PYY: variants seen among roughly 807,000 people sequenced by gnomAD.
PYY encodes peptide tyrosine tyrosine.
PYY carries 12 observed loss-of-function variants against 10.3 expected under a neutral mutation model. The ratio of observed to expected loss-of-function variants is 1.17; its 90% CI spans 0.75 to 1.89. The LOEUF is 1.89. PYY is among the 40% of genes most tolerant of loss of function. The pLI is 0.00. For missense variants in PYY, 141 were observed against 134.0 expected, an observed-to-expected ratio of 1.05 and a Z score of -0.26; for synonymous variants, 66 against 62.0, an observed-to-expected ratio of 1.06 and a Z score of -0.30.
chr17:43,969,527 A>C (rs992667069), intron 1 of PYY, among the ~76,000 whole-genome samples: 2 of 151,524 alleles, frequency 1.3e-5, no homozygotes, highest in Middle Eastern at 3.4e-3. Flanking sequence ...AAAAAAAAAA[A>C]AAAAAAAGCA....
At position 43,976,276 on chromosome 17, in the gene PYY, T is replaced by TATACACACACATATGTATACATGTATAC. The variant is rs1217188677; in HGVS notation, c.-462-9745_-462-9744insGTATACATGTATACATATGTGTGTGTAT. ...ATGTATACATGTATACATGTACGTA[T>TATACACACACATATGTATACATGTATAC]ATATACGCATATGTATACATGTATA... On this transcript the variant is annotated intron_variant, in intron 1 of 6. Coordinates refer to the PYY transcript ENST00000360085. Among the ~76,000 whole-genome samples, 4 of 146,276 alleles carry TATACACACACATATGTATACATGTATAC rather than the reference T, an allele frequency of 2.7e-5. No individual in the cohort carries two copies. The East Asian group carries it at 6.1e-4, about 22-fold the overall frequency.
intron 1 of PYY, among the ~76,000 whole-genome samples, chr17:43,971,700 G>A (rs1314847787): frequency 6.6e-6 from 1 of 150,582 alleles, no homozygotes; most frequent in African/African-American, 2.4e-5. Context: ...TTTTAAGTGG[G>A]TTGTTGGTTT....
At chr17:43,986,324 G>A (rs1024651367) in intron 1 of PYY, among the ~76,000 whole-genome samples, 24 of 152,212 alleles carry the variant, frequency 1.6e-4, no homozygotes, top group African/African-American at 5.3e-4. Context: ...TCCTGAACAC[G>A]TCGTGCCCAT....
chr17:43,988,489 C>T (rs1464539617), intron 1 of PYY, among the ~76,000 whole-genome samples: 1 of 152,138 alleles, frequency 6.6e-6, no homozygotes, highest in Non-Finnish European at 1.5e-5. Flanking sequence ...GGGGAAGCTT[C>T]CCTGACCACT....
At position 43,975,398 on chromosome 17, in the gene PYY, G is replaced by A. The variant is rs2048821670; in HGVS notation, c.-462-8866C>T. Among the ~76,000 whole-genome samples, 6 of 151,980 alleles carry A rather than the reference G, an allele frequency of 3.9e-5. No homozygotes were observed. In the South Asian group the frequency reaches 1.0e-3, roughly 26 times the overall value. On this transcript the variant is annotated intron_variant, in intron 1 of 6. Transcript: ENST00000360085. ...GAGAATAGTAAAGCTCGTGTCACAG[G>A]CTTCTTTTGGCAATTAAACAGTGGG... is the stretch of plus-strand genomic sequence containing the variant.
upstream of PYY, among the ~76,000 whole-genome samples, chr17:43,958,485 T>G (rs755825329): frequency 6.6e-6 from 1 of 151,968 alleles, no homozygotes; most frequent in Non-Finnish European, 1.5e-5. Context: ...CTTCAAGAGA[T>G]TCTCCTGCCT....
chr17:43,966,606 G>A (rs146487436), intron 1 of PYY: 11 of 152,304 alleles, frequency 7.2e-5, no homozygotes, highest in East Asian at 1.9e-4. Context: ...ACATCGTTTC[G>A]TGTTAATAAC....
At chr17:43,976,298 T>TATAC (rs1175581447) in intron 1 of PYY, among the ~76,000 whole-genome samples, 1 of 151,004 alleles carries the variant, frequency 6.6e-6, no homozygotes, top group Non-Finnish European at 1.5e-5. Flanking sequence ...TGTATACATG[T>TATAC]ATACATATAC....
chr17:43,977,281 C>A, intron 1 of PYY, among the ~76,000 whole-genome samples: 1 of 152,230 alleles, frequency 6.6e-6, no homozygotes, highest in South Asian at 2.1e-4. Context: ...CCATTAGCTG[C>A]GACTTAGTCT....
chr17:43,960,708 GGCAT>G (rs2048706453), intron 2 of PYY, among the ~76,000 whole-genome samples: 1 of 151,698 alleles, frequency 6.6e-6, no homozygotes, highest in Admixed American at 6.6e-5. Context: ...AAATTAGTCA[GGCAT>G]GGTGGCGGGT....
intron 1 of PYY, among the ~76,000 whole-genome samples, chr17:43,999,864 C>A (rs1469472385): frequency 6.6e-6 from 1 of 151,990 alleles, no homozygotes; most frequent in African/African-American, 2.4e-5. Flanking sequence ...AGAGGGAAGA[C>A]TTCCTGGAGC....
At chr17:43,988,923 G>A (rs535879641) in intron 1 of PYY, among the ~76,000 whole-genome samples, 2 of 151,646 alleles carry the variant, frequency 1.3e-5, no homozygotes, top group South Asian at 2.1e-4. Flanking sequence ...CCAACACACC[G>A]GCTAATGTTT....
At chr17:43,970,223 A>G (rs1387964135) in intron 1 of PYY, among the ~76,000 whole-genome samples, 1 of 138,752 alleles carries the variant, frequency 7.2e-6, no homozygotes, top group East Asian at 2.5e-4. Context: ...AAAAAAAAAA[A>G]AAAGCTGGGG....
At chr17:43,967,442 A>T (rs961796483) in intron 1 of PYY, among the ~76,000 whole-genome samples, 4 of 152,202 alleles carry the variant, frequency 2.6e-5, no homozygotes, top group African/African-American at 9.6e-5. Context: ...GAGCTGTCAC[A>T]TTCAACTCCC....
At chr17:43,961,742 A>G (rs145622985) in intron 2 of PYY, among the ~76,000 whole-genome samples, 1,649 of 152,096 alleles carry the variant, frequency 0.011, 31 homozygotes, top group African/African-American at 0.038. Context: ...GGTTTCCCCC[A>G]TGTTGGCCAG....
At chr17:43,988,308 G>A (rs1033972821) in intron 1 of PYY, among the ~76,000 whole-genome samples, 3 of 152,250 alleles carry the variant, frequency 2.0e-5, no homozygotes, top group Non-Finnish European at 4.4e-5. Flanking sequence ...CTTGCGGAAA[G>A]GGAGCTTTAC....
chr17:43,981,787 C>T (rs1024061673), intron 1 of PYY, among the ~76,000 whole-genome samples: 2 of 152,098 alleles, frequency 1.3e-5, no homozygotes, highest in Non-Finnish European at 2.9e-5. Flanking sequence ...CATGCTGGGC[C>T]CTTTTCATGT....
intron 1 of PYY, among the ~76,000 whole-genome samples, chr17:43,995,707 G>A (rs938623611): frequency 1.2e-4 from 18 of 151,838 alleles, no homozygotes; most frequent in East Asian, 7.8e-4. Flanking sequence ...GGTGGCAGGC[G>A]CCTGTAGTCC....
intron 1 of PYY, among the ~76,000 whole-genome samples, chr17:43,976,222 C>CATGTATACATATACGT (rs2048839172): frequency 3.7e-5 from 5 of 134,056 alleles, no homozygotes; most frequent in Non-Finnish European, 4.6e-5. Context: ...TATATGTATA[C>CATGTATACATATACGT]ATATATACAT....
Sources: allele counts gnomAD v4.1 joint callset (sites outside exome capture counted in the v4.1 genomes callset), GRCh38; gene constraint gnomAD v4.1.1; transcripts MANE v1.5; gene names NCBI Gene and HGNC (gene_info 2026-07-23, HGNC 2026-07-21).